Variants in XIRP1 observed in about 807,000 individuals in gnomAD.
The protein encoded by XIRP1 is xin actin binding repeat containing 1.
For missense variants in XIRP1, 2,378 were observed against 2,345.4 expected (o/e 1.01, Z -0.29); for synonymous variants, 984 against 947.0 (o/e 1.04, Z -0.72).
At position 39,187,716 on chromosome 3, in the gene XIRP1, C is replaced by T; in HGVS notation, c.1730G>A (p.Ser577Asn). 1.9e-6 allele frequency: 3 copies of T among 1,614,118 alleles called. No individual in the cohort carries two copies. The highest frequency in any genetic ancestry group is 2.5e-6 in the Non-Finnish European group (3 of 1,180,040). Residue 577 changes from serine (S) to asparagine (N), a missense_variant, in exon 2 of 2, where the codon AGT becomes AAT. Physicochemically the swap from Ser to Asn is conservative, Grantham distance 46 (BLOSUM62 1). Coordinates refer to ENST00000340369, the MANE Select transcript of XIRP1 (RefSeq NM_194293.4). ...QQERQKEEGK[S>N]QGDPQPEAPP... is the part of the protein sequence containing the mutation. ...TGCCTCAGGCTGGGGGTCTCCCTGA[C>T]TCTTCCCTTCTTCTTTCTGTCGTTC...
chr3:39,185,435 G>A lies in XIRP1; in HGVS notation c.4011C>T (p.His1337=), dbSNP rs368363527. 1.2e-6 allele frequency: 2 copies of A among 1,609,086 alleles called. No individual in the cohort carries two copies. The highest frequency in any genetic ancestry group is 2.7e-5 in the African/African-American group (2 of 74,856). The change falls in exon 2 of 2, where the codon CAC becomes CAT. Residue 1337 remains histidine, a synonymous_variant. Coordinates refer to ENST00000340369, the MANE Select transcript of XIRP1 (RefSeq NM_194293.4). ...PPKPAHLTQS[H]PPQRLPKPLP... is the part of the protein sequence containing the mutation. Reference sequence around the variant, plus strand: ...AGGGCTTGGGCAGCCTCTGAGGAGGGTGGCTCTGGGTTAGGTGTGCAGGTT... The same window carrying A: ...AGGGCTTGGGCAGCCTCTGAGGAGGATGGCTCTGGGTTAGGTGTGCAGGTT...
In XIRP1 at chr3:39,188,860, C is replaced by G; in HGVS notation, c.586G>C (p.Glu196Gln). ...GDVQGTRMLF[E>Q]TRPLDRLGSR... Reference sequence around the variant, plus strand: ...CCCAGGCGGTCCAGCGGCCGCGTCTCAAAGAGCATCCTGGTACCCTGCACA... The same window carrying G: ...CCCAGGCGGTCCAGCGGCCGCGTCTGAAAGAGCATCCTGGTACCCTGCACA... The change falls in exon 2 of 2, where the codon GAG becomes CAG. Residue 196 changes from glutamate to glutamine, a missense_variant. By Grantham distance (29) the Glu-to-Gln change is conservative. Transcript: ENST00000340369. 2 of 1,612,658 alleles carry G rather than the reference C, an allele frequency of 1.2e-6. No individual in the cohort carries two copies. The highest frequency in any genetic ancestry group is 1.7e-6 in the Non-Finnish European group (2 of 1,180,036).
In XIRP1 at chr3:39,189,208, C is replaced by G. The variant is rs1243725081; in HGVS notation, c.238G>C (p.Val80Leu). Residue 80 changes from valine to leucine, a missense_variant, in exon 2 of 2, where the codon GTC (valine) becomes CTC (leucine). Coordinates refer to ENST00000340369, the MANE Select transcript of XIRP1 (RefSeq NM_194293.4). Reference sequence around the variant, plus strand: ...TCGGTGGGTTCCTCAGAGCCCAGGACCTCAGCCAGATCCTCGGCCACAGCC... The same window carrying G: ...TCGGTGGGTTCCTCAGAGCCCAGGAGCTCAGCCAGATCCTCGGCCACAGCC... ...AEAVAEDLAE[V>L]LGSEEPTEGD... 1 of 1,614,078 alleles carries G rather than the reference C, an allele frequency of 6.2e-7. No homozygotes were observed. The highest frequency in any genetic ancestry group is 8.5e-7 in the Non-Finnish European group (1 of 1,180,052).
At position 39,188,877 on chromosome 3, in the gene XIRP1, C is replaced by T. The variant is rs1383035395; in HGVS notation, c.569G>A (p.Gly190Asp). Residue 190 changes from glycine (G) to aspartate (D), a missense_variant, in exon 2 of 2, where the codon GGT (glycine) becomes GAT (aspartate). Physicochemically the swap from Gly to Asp is moderately conservative, Grantham distance 94. Transcript: ENST00000340369. ...REPAASGDVQ[G>D]TRMLFETRPL... ...CCGCGTCTCAAAGAGCATCCTGGTA[C>T]CCTGCACATCTCCGCTGGCTGCAGG... 1 of 1,612,874 alleles carries T rather than the reference C, an allele frequency of 6.2e-7. No homozygotes were observed. Among genetic ancestry groups the T allele is most frequent in the South Asian group, 1.1e-5 (1 of 91,082 alleles).
chr3:39,191,613 G>T (rs1021951283), intron 1 of XIRP1, among the ~76,000 whole-genome samples: 2 of 152,210 alleles, frequency 1.3e-5, no homozygotes, highest in African/African-American at 4.8e-5. Flanking sequence ...GCTTGAGACT[G>T]CTGGGACAAG....
At position 39,185,310 on chromosome 3, in the gene XIRP1, G is replaced by A. The variant is rs764687360; in HGVS notation, c.4136C>T (p.Thr1379Ile). The change falls in exon 2 of 2, where the codon ACT (threonine) becomes ATT (isoleucine). Residue 1379 changes from threonine (T) to isoleucine (I), a missense_variant. Physicochemically the swap from Thr to Ile is moderately conservative, Grantham distance 89. Coordinates refer to ENST00000340369, the MANE Select transcript of XIRP1 (RefSeq NM_194293.4). ...CAGAGGTATGTGGCCCTGGTCTACA[G>A]TAGTGGGAACCTTGGCTGGCTGAGG... ...AIPQPAKVPT[T>I]VDQGHIPLAR... 2 of 1,614,234 alleles carry A rather than the reference G, an allele frequency of 1.2e-6. No homozygotes were observed. The highest frequency in any genetic ancestry group is 1.7e-6 in the Non-Finnish European group (2 of 1,180,040).
rs1010825494 is a variant in XIRP1 at position 39,185,402 on chromosome 3, T to A, written c.4044A>T (p.Leu1348=). The A allele has an allele frequency of 3.1e-6, 5 of 1,613,772 alleles. No homozygotes were observed. In the African/African-American group the frequency reaches 5.3e-5, roughly 17 times the overall value. Reference sequence around the variant, plus strand: ...CCACCTCCGAGGAAAAGCTGGGAGATAGAGGCAAGGGCTTGGGCAGCCTCT... The same window carrying A: ...CCACCTCCGAGGAAAAGCTGGGAGAAAGAGGCAAGGGCTTGGGCAGCCTCT... The part of the protein sequence containing the change: ...PPQRLPKPLP[L]SPSFSSEVGQ... The change falls in exon 2 of 2, where the codon CTA becomes CTT. Residue 1348 remains leucine, a synonymous_variant. Transcript: ENST00000340369.
In XIRP1 at chr3:39,188,017, G is replaced by A; in HGVS notation, c.1429C>T (p.Gln477Ter). The A allele has an allele frequency of 2.5e-6, 4 of 1,614,188 alleles. No homozygotes were observed. The South Asian group carries it at 3.3e-5, about 13-fold the overall frequency. The change falls in exon 2 of 2, where the codon CAG (glutamine) becomes TAG (stop). Residue 477 changes from glutamine (Q) to a stop codon, truncating the protein, a stop_gained. Coordinates refer to ENST00000340369, the MANE Select transcript of XIRP1 (RefSeq NM_194293.4). LOFTEE classifies it low-confidence loss of function (END_TRUNC). ...GCATACACTGGGGACCCTATGCCCT[G>A]GGCCTGCCCAGCAGAATCAGTTCCT... ...EEGTDSAGQA[Q>*]GIGSPVYAMQ...
rs753337759 is a variant in XIRP1, at chr3:39,187,186, G to T, written c.2260C>A (p.Gln754Lys). ...SIQGGNLLEE[Q>K]PMSPSGNRMQ... Reference sequence around the variant, plus strand: ...CTGTTGCCTGAGGGGCTCATGGGCTGCTCTTCCAGGAGGTTGCCCCCTTGG... The same window carrying T: ...CTGTTGCCTGAGGGGCTCATGGGCTTCTCTTCCAGGAGGTTGCCCCCTTGG... Residue 754 changes from glutamine to lysine, a missense_variant, in exon 2 of 2, where the codon CAG becomes AAG. Gln to Lys is a moderately conservative substitution (Grantham distance 53). Coordinates refer to ENST00000340369, the MANE Select transcript of XIRP1 (RefSeq NM_194293.4). 6.3e-7 allele frequency: 1 copy of T among 1,599,864 alleles called. No homozygotes were observed. The highest frequency in any genetic ancestry group is 1.7e-5 in the Admixed American group (1 of 59,314).
chr3:39,185,538 G>T lies in XIRP1; in HGVS notation c.3908C>A (p.Thr1303Asn), dbSNP rs997205778. The stretch of plus-strand genomic sequence containing the variant: ...GGTCTTTGTCTGTGACCCTCCAGGG[G>T]TTCTCTGGCCAGCAGGGCTGCTGTG... Reference protein sequence around the residue: ...HSHSSPAGQRTPGGSQTKTPK... With the variant: ...HSHSSPAGQRNPGGSQTKTPK... Residue 1303 changes from threonine to asparagine, a missense_variant, in exon 2 of 2, where the codon ACC becomes AAC. Transcript: ENST00000340369. The T allele has an allele frequency of 3.8e-6, 6 of 1,561,938 alleles. No homozygotes were observed. Among genetic ancestry groups the T allele is most frequent in the East Asian group, 2.2e-5 (1 of 44,476 alleles).
At position 39,189,199 on chromosome 3, in the gene XIRP1, A is replaced by T. The variant is rs2040049045; in HGVS notation, c.247T>A (p.Ser83Thr). Residue 83 changes from serine (S) to threonine (T), a missense_variant, in exon 2 of 2, where the codon TCT becomes ACT. Ser to Thr is a moderately conservative substitution (Grantham distance 58). Transcript: ENST00000340369. ...VAEDLAEVLG[S>T]EEPTEGDVQC... is the part of the protein sequence containing the mutation. ...ACGTCACCCTCGGTGGGTTCCTCAG[A>T]GCCCAGGACCTCAGCCAGATCCTCG... 3.1e-6 allele frequency: 5 copies of T among 1,614,186 alleles called. No individual in the cohort carries two copies. The East Asian group carries it at 1.1e-4, about 36-fold the overall frequency.
chr3:39,185,541 C>T lies in XIRP1; in HGVS notation c.3905G>A (p.Arg1302Lys), dbSNP rs2039951670. 6.4e-7 allele frequency: 1 copy of T among 1,562,074 alleles called. No individual in the cohort carries two copies. The highest frequency in any genetic ancestry group is 1.4e-5 in the African/African-American group (1 of 73,140). ...CTTTGTCTGTGACCCTCCAGGGGTT[C>T]TCTGGCCAGCAGGGCTGCTGTGGGA... is the stretch of plus-strand genomic sequence containing the variant. Reference protein sequence around the residue: ...LHSHSSPAGQRTPGGSQTKTP... With the variant: ...LHSHSSPAGQKTPGGSQTKTP... Residue 1302 changes from arginine (R) to lysine (K), a missense_variant, in exon 2 of 2, where the codon AGA (arginine) becomes AAA (lysine). Coordinates refer to ENST00000340369, the MANE Select transcript of XIRP1 (RefSeq NM_194293.4).
In XIRP1 at chr3:39,185,262, C is replaced by G. The variant is rs2039943587; in HGVS notation, c.4184G>C (p.Ser1395Thr). The change falls in exon 2 of 2, where the codon AGC becomes ACC. Residue 1395 changes from serine (S) to threonine (T), a missense_variant. Coordinates refer to ENST00000340369, the MANE Select transcript of XIRP1 (RefSeq NM_194293.4). ...GAGGCCATGTTGTAAGCTGGGCTGG[C>G]TATGTCCACTGGGACATCTGGCCAG... ...IPLARCPSGH[S>T]QPSLQHGLST... The G allele has an allele frequency of 2.5e-6, 4 of 1,614,172 alleles. No individual in the cohort carries two copies. In the Admixed American group the frequency reaches 6.7e-5, roughly 27 times the overall value.
Position 39,186,272 on chromosome 3 carries a change from C to T in XIRP1, c.3174G>A (p.Leu1058=). ...APDLLAAMQS[L]RMATAEAQSL... is the part of the protein sequence containing the mutation. ...TCTGGGCTTCAGCTGTTGCCATCCGCAGACTCTGCATGGCGGCCAGGAGGT... is the reference window on the plus strand; with the variant it reads ...TCTGGGCTTCAGCTGTTGCCATCCGTAGACTCTGCATGGCGGCCAGGAGGT... Residue 1058 remains leucine, a synonymous_variant, in exon 2 of 2, where the codon CTG becomes CTA. Transcript: ENST00000340369. 1 of 1,613,614 alleles carries T rather than the reference C, an allele frequency of 6.2e-7. No homozygotes were observed. Among genetic ancestry groups the T allele is most frequent in the Non-Finnish European group, 8.5e-7 (1 of 1,179,860 alleles).
rs148173157 is a variant in XIRP1 at position 39,185,256 on chromosome 3, G to A, written c.4190C>T (p.Pro1397Leu). Reference sequence around the variant, plus strand: ...GGTGCTGAGGCCATGTTGTAAGCTGGGCTGGCTATGTCCACTGGGACATCT... The same window carrying A: ...GGTGCTGAGGCCATGTTGTAAGCTGAGCTGGCTATGTCCACTGGGACATCT... The part of the protein sequence containing the change: ...LARCPSGHSQ[P>L]SLQHGLSTTA... Residue 1397 changes from proline to leucine, a missense_variant, in exon 2 of 2, where the codon CCC becomes CTC. Pro to Leu is a moderately conservative substitution (Grantham distance 98). Transcript: ENST00000340369. 1.2e-6 allele frequency: 2 copies of A among 1,614,244 alleles called. No homozygotes were observed. The highest frequency in any genetic ancestry group is 1.3e-5 in the African/African-American group (1 of 75,062).
rs765308957 is a variant in XIRP1, at chr3:39,186,677, C to T, written c.2769G>A (p.Arg923=). The part of the protein sequence containing the change: ...QPRLTSKASE[R]SSVQLLASCI... ...AGCTGGCCAACAGCTGCACGCTGCT[C>T]CTCTCAGAGGCCTTGCTAGTTAGCC... The change falls in exon 2 of 2, where the codon AGG becomes AGA. Residue 923 remains arginine, a synonymous_variant. Coordinates refer to ENST00000340369, the MANE Select transcript of XIRP1 (RefSeq NM_194293.4). 3.7e-6 allele frequency: 6 copies of T among 1,613,948 alleles called. No homozygotes were observed. Among genetic ancestry groups the T allele is most frequent in the Non-Finnish European group, 5.1e-6 (6 of 1,179,992 alleles).
At position 39,186,469 on chromosome 3, in the gene XIRP1, A is replaced by G. The variant is rs2039974281; in HGVS notation, c.2977T>C (p.Cys993Arg). The change falls in exon 2 of 2, where the codon TGC becomes CGC. Residue 993 changes from cysteine to arginine, a missense_variant. Transcript: ENST00000340369. ...GHLRASGATPCPPQAIGKAVP... is the reference protein window; with the variant it reads ...GHLRASGATPRPPQAIGKAVP... ...GCCTTTCCAATGGCCTGAGGAGGGC[A>G]AGGGGTGGCCCCTGAGGCTCTCAGA... 1 of 1,613,884 alleles carries G rather than the reference A, an allele frequency of 6.2e-7. No individual in the cohort carries two copies. Among genetic ancestry groups the G allele is most frequent in the Non-Finnish European group, 8.5e-7 (1 of 1,179,984 alleles).
chr3:39,189,726 G>A (rs1453630915), intron 1 of XIRP1, among the ~76,000 whole-genome samples: 1 of 152,186 alleles, frequency 6.6e-6, no homozygotes, highest in Admixed American at 6.5e-5. Context: ...CTCATGCGTT[G>A]CTAGGGAGTG....
Position 39,183,707 on chromosome 3 carries a change from G to A in XIRP1, c.*207C>T. The A allele has an allele frequency of 1.2e-6, 1 of 856,448 alleles. No individual in the cohort carries two copies. The highest frequency in any genetic ancestry group is 1.7e-6 in the Non-Finnish European group (1 of 579,466). 53.1% of individuals were successfully genotyped at this position (856,448 alleles called of 1,614,324 possible). On this transcript the variant is annotated 3_prime_UTR_variant, in exon 2 of 2. Transcript: ENST00000340369. The stretch of plus-strand genomic sequence containing the variant: ...CCTACCCCCACGCCTGTGCAACTCT[G>A]TGGGCCTCTTCCAGACCTTTCTTTT...
Sources: gnomAD v4.1 joint callset for allele counts (sites outside exome capture counted in the v4.1 genomes callset) on GRCh38, gnomAD v4.1.1 for gene constraint, MANE v1.5 for transcripts, NCBI Gene and HGNC (gene_info 2026-07-23, HGNC 2026-07-21) for gene names.